SLC35F1: variants seen among roughly 807,000 people sequenced by gnomAD.
SLC35F1 encodes the protein chromosome 6 open reading frame 169.
Under a neutral mutation model 48.7 loss-of-function variants are expected in SLC35F1, and 14 were observed. That is an observed-to-expected ratio of 0.29 (90% confidence interval 0.19 to 0.45). SLC35F1 has a LOEUF of 0.45. SLC35F1 is among the 20% of genes least tolerant of loss of function. The pLI is 1.00. For synonymous variants in SLC35F1, 190 were observed against 202.2 expected, an observed-to-expected ratio of 0.94 and a Z score of 0.51; for missense variants, 404 against 500.0, an observed-to-expected ratio of 0.81 and a Z score of 1.83.
At chr6:118,182,138 T>G (rs1240273826) in intron 2 of SLC35F1, among the ~76,000 whole-genome samples, 1 of 151,998 alleles carries the variant, frequency 6.6e-6, no homozygotes, top group African/African-American at 2.4e-5. Flanking sequence ...CTTAAGAAAT[T>G]TAGTCAAGTA....
chr6:118,280,928 G>T (rs1348562134), intron 6 of SLC35F1, among the ~76,000 whole-genome samples: 3 of 151,596 alleles, frequency 2.0e-5, no homozygotes, highest in Admixed American at 1.3e-4. Context: ...GGCCTAGGGA[G>T]TTGAGGTGAC....
At chr6:118,094,864 A>G (rs2114351836) in intron 1 of SLC35F1, among the ~76,000 whole-genome samples, 1 of 152,082 alleles carries the variant, frequency 6.6e-6, no homozygotes, top group South Asian at 2.1e-4. Flanking sequence ...GCTACTTGGG[A>G]GGCTGAGGTA....
intron 2 of SLC35F1, among the ~76,000 whole-genome samples, chr6:118,178,219 C>G (rs986837861): frequency 6.6e-6 from 1 of 152,116 alleles, no homozygotes; most frequent in South Asian, 2.1e-4. Context: ...CCAAAGCATG[C>G]CAACTCTTCT....
chr6:118,212,262 T>C (rs142822649), intron 2 of SLC35F1, among the ~76,000 whole-genome samples: 124 of 152,300 alleles, frequency 8.1e-4, no homozygotes, highest in African/African-American at 2.9e-3. Context: ...GCTTTTATTA[T>C]ACAGATGTCC....
At chr6:118,095,642 T>C (rs1179168693) in intron 1 of SLC35F1, among the ~76,000 whole-genome samples, 1 of 152,190 alleles carries the variant, frequency 6.6e-6, no homozygotes, top group African/African-American at 2.4e-5. Flanking sequence ...GAAATTTTGA[T>C]ATCTGCAGTA....
At chr6:117,948,448 T>A (rs1217811007) in intron 1 of SLC35F1, among the ~76,000 whole-genome samples, 1 of 152,198 alleles carries the variant, frequency 6.6e-6, no homozygotes. Context: ...CTGATTTGAT[T>A]CCCAATTATC....
chr6:118,064,046 G>T (rs1772579532), intron 1 of SLC35F1, among the ~76,000 whole-genome samples: 1 of 152,152 alleles, frequency 6.6e-6, no homozygotes, highest in African/African-American at 2.4e-5. Context: ...GGACTTAACA[G>T]TTTCACATGG....
intron 1 of SLC35F1, among the ~76,000 whole-genome samples, chr6:118,103,433 T>G (rs1582667712): frequency 6.6e-6 from 1 of 152,358 alleles, no homozygotes; most frequent in South Asian, 2.1e-4. Context: ...TGCCCTGATG[T>G]CTGCCTGAGA....
chr6:118,027,072 T>C (rs1169991398), intron 1 of SLC35F1, among the ~76,000 whole-genome samples: 1 of 152,202 alleles, frequency 6.6e-6, no homozygotes, highest in Non-Finnish European at 1.5e-5. Context: ...TAGCCATTTG[T>C]GTCTGGGTTC....
In SLC35F1 at chr6:117,907,612, C is replaced by CGCCTCCCGGGCCGCG; in HGVS notation, c.-111_-97dup. The stretch of plus-strand genomic sequence containing the variant: ...CGCCTCACCGCTTCGCAGGCAGCAC[C>CGCCTCCCGGGCCGCG]GCCTCCCGGGCCGCGGCCGCCCGGC... On this transcript the variant is annotated 5_prime_UTR_variant, in exon 1 of 8. Coordinates refer to ENST00000360388, the MANE Select transcript of SLC35F1 (RefSeq NM_001029858.4). 1 of 536,558 alleles carries CGCCTCCCGGGCCGCG rather than the reference C, an allele frequency of 1.9e-6. No individual in the cohort carries two copies. The highest frequency in any genetic ancestry group is 3.0e-6 in the Non-Finnish European group (1 of 337,638). 33.2% of individuals were successfully genotyped at this position (536,558 alleles called of 1,614,324 possible). A position where few individuals can be genotyped will look rare whatever the true frequency, so the allele number is the denominator to read the frequency against.
chr6:118,228,843 CTG>C (rs1775252385), intron 2 of SLC35F1, among the ~76,000 whole-genome samples: 1 of 152,040 alleles, frequency 6.6e-6, no homozygotes, highest in African/African-American at 2.4e-5. Flanking sequence ...TTGCTGCAGA[CTG>C]TGAAATGTGT....
chr6:117,919,086 T>A (rs1218820445), intron 1 of SLC35F1, among the ~76,000 whole-genome samples: 4 of 151,836 alleles, frequency 2.6e-5, no homozygotes, highest in Admixed American at 2.6e-4. Context: ...TTTGTAGAGA[T>A]GTTGGTCTTG....
intron 4 of SLC35F1, among the ~76,000 whole-genome samples, chr6:118,275,074 G>A (rs1305614631): frequency 2.0e-5 from 3 of 152,186 alleles, no homozygotes; most frequent in Non-Finnish European, 4.4e-5. Flanking sequence ...TACTCTGGAG[G>A]CTGAGGCAGG....
At chr6:117,927,797 T>G (rs1447729738) in intron 1 of SLC35F1, among the ~76,000 whole-genome samples, 1 of 152,210 alleles carries the variant, frequency 6.6e-6, no homozygotes, top group African/African-American at 2.4e-5. Flanking sequence ...TGCCAGGGCA[T>G]AGACACATGC....
intron 1 of SLC35F1, chr6:117,999,264 C>A: frequency 6.3e-7 from 1 of 1,595,390 alleles, no homozygotes; most frequent in Non-Finnish European, 8.5e-7. Context: ...GATCGACATG[C>A]CTACGTTGCC....
Position 118,131,381 on chromosome 6 carries a change from G to A in SLC35F1, c.174-23064G>A, listed in dbSNP as rs114406567. On this transcript the variant is annotated intron_variant, in intron 1 of 7. Coordinates refer to ENST00000360388, the MANE Select transcript of SLC35F1 (RefSeq NM_001029858.4). ...TATAACTCCACAATCTTTTGGCAAC[G>A]ATAGGAAGTTGCTGCCTACCATTCA... 4.4e-3 allele frequency among the ~76,000 whole-genome samples: 664 copies of A among 152,194 alleles called. 6 individuals are homozygous for A. Among genetic ancestry groups the A allele is most frequent in the African/African-American group, 0.015 (616 of 41,524 alleles).
intron 1 of SLC35F1, among the ~76,000 whole-genome samples, chr6:118,095,126 T>C (rs1320756559): frequency 2.0e-5 from 3 of 152,208 alleles, no homozygotes; most frequent in Non-Finnish European, 4.4e-5. Flanking sequence ...AGTAGGACTC[T>C]GTCTCAAAAA....
rs373743403 is a variant in SLC35F1 at position 118,197,347 on chromosome 6, T to C, written c.350-38162T>C. Reference sequence around the variant, plus strand: ...CTGGAAACTAGATGATCTGAGAAACTAGTAACATTAGAGTTTTTCTCTTAA... The same window carrying C: ...CTGGAAACTAGATGATCTGAGAAACCAGTAACATTAGAGTTTTTCTCTTAA... On this transcript the variant is annotated intron_variant, in intron 2 of 7. Coordinates refer to ENST00000360388, the MANE Select transcript of SLC35F1 (RefSeq NM_001029858.4). Among the ~76,000 whole-genome samples, 6 of 152,146 alleles carry C rather than the reference T, an allele frequency of 3.9e-5. No homozygotes were observed. In the East Asian group the frequency reaches 1.2e-3, roughly 29 times the overall value.
intron 1 of SLC35F1, among the ~76,000 whole-genome samples, chr6:118,125,379 G>A (rs570820960): frequency 4.4e-5 from 5 of 114,158 alleles, no homozygotes; most frequent in South Asian, 4.7e-4. Flanking sequence ...GGTATTTTGG[G>A]GGGGGGGATC....
Sources: gnomAD v4.1 joint callset for allele counts (sites outside exome capture counted in the v4.1 genomes callset) on GRCh38, gnomAD v4.1.1 for gene constraint, MANE v1.5 for transcripts, NCBI Gene and HGNC (gene_info 2026-07-23, HGNC 2026-07-21) for gene names.